EFR3B: variants seen among roughly 807,000 people sequenced by gnomAD.
EFR3B encodes the protein protein EFR3 homolog B.
EFR3B carries 64 observed loss-of-function variants against 104.7 expected under a neutral mutation model. The observed-to-expected ratio is 0.61, with a 90% CI of 0.50 to 0.75. EFR3B has a LOEUF of 0.75. Among genes scored for constraint, EFR3B ranks in the 30% least tolerant of loss-of-function variants. The pLI is 0.00. For synonymous variants in EFR3B, 385 were observed against 417.9 expected, an observed-to-expected ratio of 0.92 and a Z score of 0.96; for missense variants, 750 against 1,078.5, an observed-to-expected ratio of 0.70 and a Z score of 4.27.
intron 1 of EFR3B, chr2:25,081,241 T>G: frequency 9.8e-7 from 1 of 1,023,422 alleles, no homozygotes; most frequent in Non-Finnish European, 1.5e-6. Context: ...AAAACTATCT[T>G]CACTCCTCCT....
chr2:25,081,557 C>T lies in EFR3B; in HGVS notation c.8-9768C>T, dbSNP rs375361586. On this transcript the variant is annotated intron_variant, in intron 1 of 22. Transcript: ENST00000403714. ...AGATTCCTGTGCTATTGCTGCTGTA[C>T]TTGGAGTCCATGGTTATTCAACAAT... 121 of 948,306 alleles carry T rather than the reference C, an allele frequency of 1.3e-4. 1 individual carries two copies. The East Asian group carries it at 2.5e-3, about 20-fold the overall frequency. 58.7% of individuals were successfully genotyped at this position (948,306 alleles called of 1,614,324 possible).
rs951277716 is a variant in EFR3B, at chr2:25,042,076, A to T, written c.-237A>T. The T allele has an allele frequency of 1.0e-4, 29 of 285,976 alleles. 1 individual carries two copies. The highest frequency in any genetic ancestry group is 8.3e-4 in the South Asian group (5 of 6,016). 17.7% of individuals were successfully genotyped at this position (285,976 alleles called of 1,614,324 possible). A position where few individuals can be genotyped will look rare whatever the true frequency, so the allele number is the denominator to read the frequency against. The stretch of plus-strand genomic sequence containing the variant: ...AGCATAGCCCCCGCCCCCTGCGCGC[A>T]GCAGTGCCCAGCAACCCGAGCGGAG... On this transcript the variant is annotated 5_prime_UTR_variant, in exon 1 of 23. Transcript: ENST00000403714. The surrounding 1 kb of genome is among the most constrained non-coding windows in gnomAD (Gnocchi z 5.4).
Position 25,103,807 on chromosome 2 carries a change from G to T in EFR3B, c.363+20G>T, listed in dbSNP as rs1398575919. Reference sequence around the variant, plus strand: ...AACTCGGTAAGGAGCGGCCCAGGGGGCTCCAGGTCTCCCAGCCGCATCCTG... The same window carrying T: ...AACTCGGTAAGGAGCGGCCCAGGGGTCTCCAGGTCTCCCAGCCGCATCCTG... On this transcript the variant is annotated intron_variant, in intron 4 of 22. Transcript: ENST00000403714. 9 of 1,549,850 alleles carry T rather than the reference G, an allele frequency of 5.8e-6. No individual in the cohort carries two copies. Among genetic ancestry groups the T allele is most frequent in the Non-Finnish European group, 7.9e-6 (9 of 1,145,800 alleles).
At chr2:25,144,840 A>G (rs1670770447) in intron 18 of EFR3B, 120 bp from the exon 19 acceptor site, 2 of 754,202 alleles carry the variant, frequency 2.7e-6, no homozygotes, top group South Asian at 3.6e-5. Context: ...CTGAGTGTGC[A>G]CTGAGCCTTA....
chr2:25,133,040 G>A, intron 11 of EFR3B, 26 bp downstream of exon 11: 1 of 1,538,122 alleles, frequency 6.5e-7, no homozygotes, highest in East Asian at 2.5e-5. Flanking sequence ...CCCCCAGCCT[G>A]GAGTCCTCCT....
rs1224879391 is a variant in EFR3B, at chr2:25,060,952, A to AAC, written c.7+18634_7+18635insCA. ...CAAACAAACAAACAACAACAACAAC[A>AAC]AAAACCAAAAAACTAGCCACTGTCC... On this transcript the variant is annotated intron_variant, in intron 1 of 22. Transcript: ENST00000403714. Among the ~76,000 whole-genome samples the AAC allele has an allele frequency of 6.6e-5, 10 of 150,930 alleles. No homozygotes were observed. In the East Asian group the frequency reaches 2.0e-3, roughly 30 times the overall value.
At chr2:25,092,422 A>C in intron 2 of EFR3B, among the ~76,000 whole-genome samples, 1 of 62,412 alleles carries the variant, frequency 1.6e-5, no homozygotes, top group African/African-American at 9.2e-5. Flanking sequence ...ACACACACAC[A>C]CTTACACACA....
rs1307991328 is a variant in EFR3B at position 25,052,525 on chromosome 2, G to A, written c.7+10206G>A. Among the ~76,000 whole-genome samples the A allele has an allele frequency of 3.5e-5, 5 of 141,020 alleles. No homozygotes were observed. In the South Asian group the frequency reaches 9.3e-4, roughly 26 times the overall value. The allele number at this position is 141,020 out of a possible 152,430, so 92.5% of individuals were successfully genotyped here. A position where few individuals can be genotyped will look rare whatever the true frequency, so the allele number is the denominator to read the frequency against. On this transcript the variant is annotated intron_variant, in intron 1 of 22. Coordinates refer to ENST00000403714, the MANE Select transcript of EFR3B (RefSeq NM_014971.2). The stretch of plus-strand genomic sequence containing the variant: ...TTTTTTTTTTTTTTTTTTTTGAGAC[G>A]GAGTCTCGCTCTGTCGCCCAGGCTG...
chr2:25,075,737 C>T (rs532724791), intron 1 of EFR3B, among the ~76,000 whole-genome samples: 9 of 152,332 alleles, frequency 5.9e-5, no homozygotes, highest in Non-Finnish European at 1.2e-4. Context: ...TTAGTGCCAT[C>T]TGTAAAACAA....
In EFR3B at chr2:25,152,012, G is replaced by C; in HGVS notation, c.2290G>C (p.Gly764Arg). 1 of 1,551,622 alleles carries C rather than the reference G, an allele frequency of 6.4e-7. No individual in the cohort carries two copies. The highest frequency in any genetic ancestry group is 8.7e-7 in the Non-Finnish European group (1 of 1,146,952). The change falls in exon 21 of 23, where the codon GGG becomes CGG. Residue 764 changes from glycine to arginine, a missense_variant. By Grantham distance (125) the Gly-to-Arg change is moderately radical (BLOSUM62 -2). Transcript: ENST00000403714. ...APFEEIAAHC[G>R]ARASLLQSKL... is the part of the protein sequence containing the mutation. ...CTTCGAGGAGATTGCTGCACACTGC[G>C]GGGCCCGGGTAAGTGAAGCATGACA...
intron 4 of EFR3B, among the ~76,000 whole-genome samples, chr2:25,116,631 A>T (rs1403213735): frequency 6.2e-5 from 9 of 146,320 alleles, no homozygotes; most frequent in African/African-American, 1.0e-4. Flanking sequence ...CAAAAAAAAA[A>T]TTTTTTTTTT....
Position 25,132,765 on chromosome 2 carries a change from G to A in EFR3B, c.1148-138G>A, listed in dbSNP as rs533741515. 122 of 698,480 alleles carry A rather than the reference G, an allele frequency of 1.7e-4. No homozygotes were observed. The African/African-American group carries it at 1.9e-3, about 11-fold the overall frequency. 43.3% of individuals were successfully genotyped at this position (698,480 alleles called of 1,614,324 possible). ...CCTGGAGAGGCCGAATCACACCCGG[G>A]CTATCCTGAATCCCTTTCTCTGGTC... On this transcript the variant is annotated intron_variant, in intron 10 of 22. Transcript: ENST00000403714.
intron 2 of EFR3B, among the ~76,000 whole-genome samples, 183 bp from the exon 3 acceptor site, chr2:25,092,820 G>T (rs572993091): frequency 6.6e-6 from 1 of 152,222 alleles, no homozygotes; most frequent in African/African-American, 2.4e-5. Flanking sequence ...GATTATAGGC[G>T]TGAGCCTATA....
At chr2:25,101,396 C>G (rs981633112) in intron 3 of EFR3B, among the ~76,000 whole-genome samples, 9 of 152,192 alleles carry the variant, frequency 5.9e-5, no homozygotes, top group Non-Finnish European at 1.0e-4. Flanking sequence ...GTCCCCCAGG[C>G]TGGAGTACAG....
chr2:25,119,547 A>T (rs949649497), intron 4 of EFR3B, among the ~76,000 whole-genome samples: 1 of 152,244 alleles, frequency 6.6e-6, no homozygotes, highest in African/African-American at 2.4e-5. Context: ...ACTTGTACGT[A>T]ATCGATGATC....
At chr2:25,141,456 G>T (rs1670664046) in intron 17 of EFR3B, 23 bp downstream of exon 17, 2 of 1,550,234 alleles carry the variant, frequency 1.3e-6, no homozygotes, top group East Asian at 4.9e-5. Flanking sequence ...CGGGGGACGT[G>T]GTCAGGGATC....
Position 25,157,054 on chromosome 2 carries a change from G to C in EFR3B, c.*2714G>C, listed in dbSNP as rs564740461. ...GAACCTGAGATCCCCAGATGTTTCT[G>C]CCCCTCATCCCCATCCTGTGAATAG... On this transcript the variant is annotated 3_prime_UTR_variant, in exon 23 of 23. Coordinates refer to ENST00000403714, the MANE Select transcript of EFR3B (RefSeq NM_014971.2). The C allele has an allele frequency of 8.5e-5, 13 of 152,318 alleles. No homozygotes were observed. In the East Asian group the frequency reaches 2.5e-3, roughly 29 times the overall value. 9.4% of individuals were successfully genotyped at this position (152,318 alleles called of 1,614,324 possible). A position where few individuals can be genotyped will look rare whatever the true frequency, so the allele number is the denominator to read the frequency against.
In EFR3B at chr2:25,131,959, TGGGGA is replaced by T. The variant is rs1475032343; in HGVS notation, c.1147+62_1147+66del. On this transcript the variant is annotated intron_variant, in intron 10 of 22. Coordinates refer to ENST00000403714, the MANE Select transcript of EFR3B (RefSeq NM_014971.2). The surrounding 1 kb of genome is among the most constrained non-coding windows in gnomAD (Gnocchi z 7.6). ...GGCGGGGCGGGGCCGAGGCGCGGAG[TGGGGA>T]GGGGAGGGGAGGGACGGGACGGGGC... is the stretch of plus-strand genomic sequence containing the variant. The T allele has an allele frequency of 2.5e-4, 10 of 40,078 alleles. No individual in the cohort carries two copies. The highest frequency in any genetic ancestry group is 6.6e-4 in the Admixed American group (1 of 1,504). 2.5% of individuals were successfully genotyped at this position (40,078 alleles called of 1,614,324 possible). A position where few individuals can be genotyped will look rare whatever the true frequency, so the allele number is the denominator to read the frequency against.
chr2:25,080,283 C>CTTTTTTTTTT lies in EFR3B; in HGVS notation c.8-11023_8-11014dup, dbSNP rs563438610. ...AGCTGGCTGGAGTCCCTCCCCAAAG[C>CTTTTTTTTTT]TTTTTTTTTTTTTTTTTTTTTTTTT... is the stretch of plus-strand genomic sequence containing the variant. On this transcript the variant is annotated intron_variant, in intron 1 of 22. Transcript: ENST00000403714. 165 of 154,958 alleles carry CTTTTTTTTTT rather than the reference C, an allele frequency of 1.1e-3. 18 individuals carry two copies. Among genetic ancestry groups the CTTTTTTTTTT allele is most frequent in the African/African-American group, 9.5e-3 (72 of 7,618 alleles). 9.6% of individuals were successfully genotyped at this position (154,958 alleles called of 1,614,324 possible). A position where few individuals can be genotyped will look rare whatever the true frequency, so the allele number is the denominator to read the frequency against.
Sources: gnomAD v4.1 joint callset for allele counts (sites outside exome capture counted in the v4.1 genomes callset) on GRCh38, gnomAD v4.1.1 for gene constraint, Gnocchi (gnomAD v3.1) non-coding constraint, MANE v1.5 for transcripts, NCBI Gene and HGNC (gene_info 2026-07-23, HGNC 2026-07-21) for gene names.